The following ZMAT5 variants were observed in gnomAD, a reference collection of about 807,000 sequenced individuals.
ZMAT5 encodes zinc finger matrin-type 5.
Under a neutral mutation model 28.0 loss-of-function variants are expected in ZMAT5, and 23 were observed. That is an observed-to-expected ratio of 0.82 (90% CI 0.59 to 1.16). The LOEUF (loss-of-function observed/expected upper bound fraction) is 1.16, where lower values mean the gene tolerates loss of function less well. ZMAT5 is among the 50% of genes most tolerant of loss of function. The pLI is 0.00. For missense variants in ZMAT5, 173 were observed against 212.7 expected, an observed-to-expected ratio of 0.81 and a Z score of 1.16; for synonymous variants, 76 against 84.1, an observed-to-expected ratio of 0.90 and a Z score of 0.52.
At chr22:29,739,184 C>T (rs2067937810) in intron 4 of ZMAT5, among the ~76,000 whole-genome samples, 2 of 152,224 alleles carry the variant, frequency 1.3e-5, no homozygotes, top group Non-Finnish European at 2.9e-5. Context: ...TTCTCATAAG[C>T]TGTCCAACAA....
At position 29,766,172 on chromosome 22, in the gene ZMAT5, A is replaced by G. The variant is rs190327403; in HGVS notation, c.-28+700T>C. On this transcript the variant is annotated intron_variant, in intron 1 of 5. Transcript: ENST00000344318. ...CTAAAAACAAAAACCAAAGAAAACA[A>G]GACTCCGTAAGGTGGGTTCCAAGGC... Among the ~76,000 whole-genome samples the G allele has an allele frequency of 3.1e-4, 47 of 152,224 alleles. 1 individual carries two copies. Among genetic ancestry groups the G allele is most frequent in the Admixed American group, 3.0e-3 (46 of 15,296 alleles).
intron 5 of ZMAT5, among the ~76,000 whole-genome samples, chr22:29,737,672 G>A (rs1053166476): frequency 1.3e-5 from 2 of 152,080 alleles, no homozygotes; most frequent in African/African-American, 2.4e-5. Flanking sequence ...CTCAGGCTTC[G>A]GTTTTGGCCG....
chr22:29,736,526 C>T (rs2067905755), intron 5 of ZMAT5, among the ~76,000 whole-genome samples: 2 of 150,184 alleles, frequency 1.3e-5, no homozygotes, highest in South Asian at 2.1e-4. Context: ...TCGAGACCAG[C>T]CTGGCCAGCA....
chr22:29,751,185 C>T (rs777695160), intron 1 of ZMAT5, among the ~76,000 whole-genome samples: 1 of 152,050 alleles, frequency 6.6e-6, no homozygotes, highest in Non-Finnish European at 1.5e-5. Context: ...AGGGAGGGGA[C>T]AGGGAGGGTG....
At chr22:29,749,046 C>T (rs2068034505) in intron 1 of ZMAT5, among the ~76,000 whole-genome samples, 1 of 151,974 alleles carries the variant, frequency 6.6e-6, no homozygotes, top group Non-Finnish European at 1.5e-5. Flanking sequence ...CCACCTTATA[C>T]CCTGTGGCTG....
intron 2 of ZMAT5, chr22:29,748,152 T>C (rs1249326538): frequency 8.2e-6 from 4 of 485,382 alleles, no homozygotes; most frequent in Non-Finnish European, 1.5e-5. Flanking sequence ...ACTGCATGGC[T>C]AGCTTTCCCC....
intron 1 of ZMAT5, among the ~76,000 whole-genome samples, chr22:29,753,019 G>A (rs1047670768): frequency 2.0e-5 from 3 of 152,132 alleles, no homozygotes; most frequent in South Asian, 2.1e-4. Context: ...TCTCACCTCC[G>A]AGAGCGGGAT....
intron 1 of ZMAT5, among the ~76,000 whole-genome samples, chr22:29,765,825 A>C (rs2068204526): frequency 6.6e-6 from 1 of 152,176 alleles, no homozygotes; most frequent in Non-Finnish European, 1.5e-5. Flanking sequence ...CCGAGATAGC[A>C]CCACTACACT....
intron 1 of ZMAT5, among the ~76,000 whole-genome samples, chr22:29,759,352 C>A (rs145318843): frequency 6.6e-6 from 1 of 152,182 alleles, no homozygotes; most frequent in Admixed American, 6.6e-5. Context: ...AGCTCCTCAC[C>A]TCTGGACTCC....
chr22:29,762,471 T>C (rs189455751), intron 1 of ZMAT5, among the ~76,000 whole-genome samples: 142 of 152,338 alleles, frequency 9.3e-4, no homozygotes, highest in African/African-American at 3.4e-3. Context: ...TTGCTCGCAT[T>C]ACCGCCTGAG....
chr22:29,734,833 AG>A (rs1569334066), intron 5 of ZMAT5, among the ~76,000 whole-genome samples: 54 of 30,186 alleles, frequency 1.8e-3, no homozygotes, highest in Admixed American at 0.012. Flanking sequence ...CCCCCGCCCC[AG>A]CCCCAGCCCC....
intron 5 of ZMAT5, among the ~76,000 whole-genome samples, chr22:29,732,242 C>G (rs1706951731): frequency 6.6e-6 from 1 of 152,262 alleles, no homozygotes; most frequent in South Asian, 2.1e-4. Context: ...GCACTTTGAA[C>G]TCCCATCACC....
chr22:29,740,967 G>A (rs2067956761), intron 3 of ZMAT5, among the ~76,000 whole-genome samples: 2 of 152,318 alleles, frequency 1.3e-5, no homozygotes. Context: ...CCCCCATGCT[G>A]GGGATCACTT....
At chr22:29,737,929 C>T (rs774444381) in intron 5 of ZMAT5, among the ~76,000 whole-genome samples, 4 of 152,238 alleles carry the variant, frequency 2.6e-5, no homozygotes, top group South Asian at 2.1e-4. Flanking sequence ...CTACATTTTC[C>T]CGTCTGTGTG....
intron 1 of ZMAT5, among the ~76,000 whole-genome samples, chr22:29,755,954 C>T (rs1406326210): frequency 6.6e-6 from 1 of 152,266 alleles, no homozygotes; most frequent in East Asian, 1.9e-4. Context: ...CACTGTCCTG[C>T]CGTGAGGCTG....
intron 4 of ZMAT5, among the ~76,000 whole-genome samples, chr22:29,740,238 C>G (rs964061744): frequency 2.6e-5 from 4 of 152,128 alleles, no homozygotes; most frequent in Non-Finnish European, 5.9e-5. Flanking sequence ...CTCCAGAGGG[C>G]AGGGAAGGTG....
rs367924829 is a variant in ZMAT5, at chr22:29,764,131, C to A, written c.-28+2741G>T. On this transcript the variant is annotated intron_variant, in intron 1 of 5. Transcript: ENST00000344318. Reference sequence around the variant, plus strand: ...CTCCAGCCTGGGCAATGGAGGGAGACCCTGTCTCTACAAAAATAAAACATA... The same window carrying A: ...CTCCAGCCTGGGCAATGGAGGGAGAACCTGTCTCTACAAAAATAAAACATA... 5.3e-4 allele frequency among the ~76,000 whole-genome samples: 80 copies of A among 152,114 alleles called. 2 individuals are homozygous for A. Among genetic ancestry groups the A allele is most frequent in the African/African-American group, 1.6e-3 (67 of 41,424 alleles).
chr22:29,763,185 C>T (rs1601733001), intron 1 of ZMAT5, among the ~76,000 whole-genome samples: 1 of 151,716 alleles, frequency 6.6e-6, no homozygotes, highest in African/African-American at 2.4e-5. Flanking sequence ...CCCAGTTACT[C>T]GGGAGGCTGA....
At chr22:29,735,699 T>C in intron 5 of ZMAT5, among the ~76,000 whole-genome samples, 1 of 151,954 alleles carries the variant, frequency 6.6e-6, no homozygotes, top group East Asian at 1.9e-4. Flanking sequence ...AAAATGGGGG[T>C]GCCAATCTCC....
Sources: allele counts gnomAD v4.1 joint callset (sites outside exome capture counted in the v4.1 genomes callset), GRCh38; gene constraint gnomAD v4.1.1; transcripts MANE v1.5; gene names NCBI Gene and HGNC (gene_info 2026-07-23, HGNC 2026-07-21).